The following STXBP4 variants were observed in gnomAD, a reference collection of about 807,000 sequenced individuals.
STXBP4 encodes syntaxin binding protein 4, also known as syntaxin-binding protein 4.
STXBP4 carries 55 observed loss-of-function variants against 76.1 expected under a neutral mutation model. The observed-to-expected ratio is 0.72, with a 90% CI of 0.58 to 0.91. STXBP4 has a LOEUF of 0.91. STXBP4 is among the 40% of genes least tolerant of loss of function. The pLI is 0.00. For missense variants in STXBP4, 618 were observed against 636.9 expected, an observed-to-expected ratio of 0.97 and a Z score of 0.32; for synonymous variants, 201 against 220.2, an observed-to-expected ratio of 0.91 and a Z score of 0.77.
intron 8 of STXBP4, among the ~76,000 whole-genome samples, chr17:55,021,442 T>C (rs1435057157): frequency 6.6e-6 from 1 of 152,160 alleles, no homozygotes; most frequent in East Asian, 1.9e-4. Context: ...GAGGATCCCT[T>C]GAGCCCAGGA....
intron 16 of STXBP4, among the ~76,000 whole-genome samples, chr17:55,108,231 G>C (rs2079660351): frequency 6.6e-6 from 1 of 152,154 alleles, no homozygotes; most frequent in Non-Finnish European, 1.5e-5. Flanking sequence ...ACCTACTCAA[G>C]CCTCAGTAAT....
At chr17:55,042,548 A>T (rs1363944621) in intron 10 of STXBP4, among the ~76,000 whole-genome samples, 1 of 151,996 alleles carries the variant, frequency 6.6e-6, no homozygotes, top group Non-Finnish European at 1.5e-5. Context: ...TAGCTTCCAC[A>T]TAGGAGATGG....
At chr17:55,012,301 T>C (rs2078130035) in intron 8 of STXBP4, among the ~76,000 whole-genome samples, 1 of 152,144 alleles carries the variant, frequency 6.6e-6, no homozygotes, top group East Asian at 1.9e-4. Context: ...CCCCATTCTA[T>C]TTCTTCTTCT....
At chr17:55,211,920 C>A in the STXBP4 span, among the ~76,000 whole-genome samples, 5 of 143,924 alleles carry the variant, frequency 3.5e-5, no homozygotes, top group African/African-American at 1.3e-4. Context: ...AAGCCATTCT[C>A]CTGCCTCTGC....
At position 55,160,198 on chromosome 17, in the gene STXBP4, ATCTT is replaced by A. The variant is rs1462596083; in HGVS notation, c.*293_*296del. 4.8e-4 allele frequency: 87 copies of A among 181,830 alleles called. No individual in the cohort carries two copies. The highest frequency in any genetic ancestry group is 1.9e-4 in the South Asian group (1 of 5,210). The allele number at this position is 181,830 out of a possible 1,614,324, so 11.3% of individuals were successfully genotyped here. A position where few individuals can be genotyped will look rare whatever the true frequency, so the allele number is the denominator to read the frequency against. ...TATATACTTTTTCATATATAATTAG[ATCTT>A]TCTTTGTAATTTCATATGTAGTTCT... On this transcript the variant is annotated 3_prime_UTR_variant, in exon 18 of 18. Transcript: ENST00000376352.
intron 16 of STXBP4, among the ~76,000 whole-genome samples, chr17:55,104,816 G>A (rs937835642): frequency 1.3e-5 from 2 of 152,110 alleles, no homozygotes; most frequent in African/African-American, 4.8e-5. Flanking sequence ...CTTGTTATTG[G>A]TTTACTCAGG....
chr17:55,174,531 A>T (rs140739054), downstream of STXBP4, among the ~76,000 whole-genome samples: 1 of 152,178 alleles, frequency 6.6e-6, no homozygotes, highest in East Asian at 1.9e-4. Context: ...CATTTTTTTA[A>T]ACTGGGTTGT....
At chr17:55,181,309 TTTTAAA>T in the STXBP4 span, among the ~76,000 whole-genome samples, 1 of 152,240 alleles carries the variant, frequency 6.6e-6, no homozygotes, top group Non-Finnish European at 1.5e-5. Flanking sequence ...GGTACAAATT[TTTTAAA>T]TAAATCTTAA....
At chr17:55,185,257 CCTT>C in the STXBP4 span, among the ~76,000 whole-genome samples, 1 of 53,304 alleles carries the variant, frequency 1.9e-5, no homozygotes, top group African/African-American at 7.5e-5. Context: ...TTCTCCTTCT[CCTT>C]CTCCTTCTCC....
At chr17:55,090,740 C>T (rs1486121415) in intron 16 of STXBP4, among the ~76,000 whole-genome samples, 3 of 152,018 alleles carry the variant, frequency 2.0e-5, no homozygotes, top group Non-Finnish European at 4.4e-5. Context: ...ATACAGCTCT[C>T]AAGATTCATA....
the STXBP4 span, among the ~76,000 whole-genome samples, chr17:55,184,012 A>G: frequency 2.6e-5 from 4 of 152,236 alleles, no homozygotes; most frequent in Non-Finnish European, 5.9e-5. Context: ...ATCCTACTTA[A>G]CAACTGTAAA....
At chr17:55,065,327 T>G (rs940993530) in intron 12 of STXBP4, among the ~76,000 whole-genome samples, 1 of 152,210 alleles carries the variant, frequency 6.6e-6, no homozygotes, top group Non-Finnish European at 1.5e-5. Context: ...TATGTCTCGC[T>G]TTGAATTTAG....
At chr17:54,994,021 A>G (rs919494576) in intron 4 of STXBP4, among the ~76,000 whole-genome samples, 12 of 152,216 alleles carry the variant, frequency 7.9e-5, no homozygotes, top group African/African-American at 2.7e-4. Context: ...GAAGCAAAAT[A>G]GTATGTTTCT....
intron 16 of STXBP4, among the ~76,000 whole-genome samples, chr17:55,098,716 T>A (rs1297738032): frequency 6.6e-6 from 1 of 152,212 alleles, no homozygotes; most frequent in African/African-American, 2.4e-5. Context: ...CAGAAAGGCC[T>A]TACCTAATCA....
chr17:54,983,191 C>A (rs540864195), intron 1 of STXBP4, among the ~76,000 whole-genome samples: 36 of 152,294 alleles, frequency 2.4e-4, no homozygotes, highest in Admixed American at 4.6e-4. Context: ...ATACTGCTGT[C>A]AGAGCACTTC....
intron 16 of STXBP4, among the ~76,000 whole-genome samples, chr17:55,116,549 A>G (rs1435841715): frequency 6.6e-6 from 1 of 151,830 alleles, no homozygotes; most frequent in African/African-American, 2.4e-5. Context: ...AAATTTTAGT[A>G]TCTGGCTTTC....
chr17:55,047,165 G>A lies in STXBP4; in HGVS notation c.1011+11G>A. 1 of 1,524,362 alleles carries A rather than the reference G, an allele frequency of 6.6e-7. No homozygotes were observed. 94.4% of individuals were successfully genotyped at this position (1,524,362 alleles called of 1,614,324 possible). On this transcript the variant is annotated intron_variant, in intron 12 of 17. Coordinates refer to ENST00000376352, the MANE Select transcript of STXBP4 (RefSeq NM_178509.6). ...CAGAATGTGAAACAAGTAAGTATAT[G>A]TATTGTGTATATATGTGCTCGTGTG...
intron 16 of STXBP4, among the ~76,000 whole-genome samples, chr17:55,136,830 A>G (rs1356231297): frequency 1.3e-5 from 2 of 152,144 alleles, no homozygotes; most frequent in Non-Finnish European, 2.9e-5. Flanking sequence ...TAAAAAAAAA[A>G]TGTGCTTACG....
intron 8 of STXBP4, among the ~76,000 whole-genome samples, chr17:55,027,027 C>A (rs140715077): frequency 1.1e-3 from 163 of 152,178 alleles, no homozygotes; most frequent in Middle Eastern, 6.8e-3. Flanking sequence ...TAGCCAATAC[C>A]GCAAGTGAGA....
Sources: allele counts gnomAD v4.1 joint callset (sites outside exome capture counted in the v4.1 genomes callset), GRCh38; gene constraint gnomAD v4.1.1; transcripts MANE v1.5; gene names NCBI Gene and HGNC (gene_info 2026-07-23, HGNC 2026-07-21).